The following GRIA1 variants were observed in gnomAD, a reference collection of about 807,000 sequenced individuals.
The protein encoded by GRIA1 is glutamate ionotropic receptor AMPA type subunit 1.
Under a neutral mutation model 99.2 loss-of-function variants are expected in GRIA1, and 31 were observed. The ratio of observed to expected loss-of-function variants is 0.31; its 90% CI spans 0.23 to 0.42. The LOEUF is 0.42. Ranked by LOEUF, GRIA1 falls within the 10% of genes least tolerant of loss-of-function variation. The pLI is 1.00. For missense variants in GRIA1, 782 were observed against 1,157.5 expected, an observed-to-expected ratio of 0.68 and a Z score of 4.71; for synonymous variants, 438 against 432.4, an observed-to-expected ratio of 1.01 and a Z score of -0.16.
intron 2 of GRIA1, among the ~76,000 whole-genome samples, chr5:153,569,561 G>C (rs970871588): frequency 2.0e-5 from 3 of 151,880 alleles, no homozygotes; most frequent in African/African-American, 7.3e-5. Context: ...GCCTGAACCT[G>C]GGATAGCCCA....
At chr5:153,617,097 C>T (rs1013657120) in intron 2 of GRIA1, among the ~76,000 whole-genome samples, 5 of 152,132 alleles carry the variant, frequency 3.3e-5, no homozygotes, top group African/African-American at 4.8e-5. Flanking sequence ...AAGTACAGAA[C>T]TATGAAGAGA....
chr5:153,743,669 C>T (rs1315201680), intron 11 of GRIA1, among the ~76,000 whole-genome samples: 2 of 150,934 alleles, frequency 1.3e-5, no homozygotes, highest in Non-Finnish European at 2.9e-5. Flanking sequence ...GGAGAAAATT[C>T]TTCTTTTAAA....
intron 2 of GRIA1, among the ~76,000 whole-genome samples, chr5:153,553,576 G>C (rs1760348384): frequency 6.6e-6 from 1 of 152,094 alleles, no homozygotes; most frequent in Non-Finnish European, 1.5e-5. Context: ...ATGCACAGTG[G>C]CCTGTTAGTG....
At chr5:153,531,912 C>T (rs1044346169) in intron 2 of GRIA1, among the ~76,000 whole-genome samples, 19 of 152,118 alleles carry the variant, frequency 1.2e-4, no homozygotes, top group African/African-American at 3.9e-4. Context: ...GGACTGTGCA[C>T]CTGGGGTCAG....
intron 11 of GRIA1, among the ~76,000 whole-genome samples, chr5:153,713,439 AC>A (rs1759464264): frequency 6.6e-6 from 1 of 152,090 alleles, no homozygotes; most frequent in Admixed American, 6.5e-5. Context: ...AGGGTGTGGA[AC>A]TCCAGATCAG....
Position 153,665,742 on chromosome 5 carries a change from A to G in GRIA1, c.700-8758A>G, listed in dbSNP as rs79399050. 2.2e-3 allele frequency among the ~76,000 whole-genome samples: 330 copies of G among 152,282 alleles called. 9 individuals carry two copies. In the East Asian group the frequency reaches 0.053, roughly 24 times the overall value. On this transcript the variant is annotated intron_variant, in intron 5 of 15. Transcript: ENST00000285900. ...TCCAAACTTTTTAGTTTGAGGCTCTATTTTCAAATGGAATCTTGGGGGAGA... is the reference window on the plus strand; with the variant it reads ...TCCAAACTTTTTAGTTTGAGGCTCTGTTTTCAAATGGAATCTTGGGGGAGA...
At chr5:153,525,787 G>A (rs1216899298) in intron 2 of GRIA1, among the ~76,000 whole-genome samples, 1 of 152,148 alleles carries the variant, frequency 6.6e-6, no homozygotes, top group East Asian at 1.9e-4. Context: ...ATAAGAACCT[G>A]GCTTGGACTT....
chr5:153,494,733 T>G (rs896736387), intron 2 of GRIA1, among the ~76,000 whole-genome samples: 2 of 152,206 alleles, frequency 1.3e-5, no homozygotes, highest in African/African-American at 4.8e-5. Flanking sequence ...CAAACACCAT[T>G]CTGAGTTTTC....
At chr5:153,513,512 C>T (rs1330930126) in intron 2 of GRIA1, among the ~76,000 whole-genome samples, 1 of 152,122 alleles carries the variant, frequency 6.6e-6, no homozygotes, top group Non-Finnish European at 1.5e-5. Context: ...CTATCTTGGT[C>T]TCTTAATTTG....
At chr5:153,495,061 GC>G (rs1260005939) in intron 2 of GRIA1, among the ~76,000 whole-genome samples, 1 of 152,110 alleles carries the variant, frequency 6.6e-6, no homozygotes, top group African/African-American at 2.4e-5. Flanking sequence ...ATTTGAATAG[GC>G]TATGCTTTGA....
At chr5:153,731,032 G>T (rs1760974724) in intron 11 of GRIA1, among the ~76,000 whole-genome samples, 1 of 152,002 alleles carries the variant, frequency 6.6e-6, no homozygotes. Flanking sequence ...CCTGCTTCTA[G>T]GCCCTCTTCC....
chr5:153,682,924 C>G (rs1019571323), intron 7 of GRIA1, among the ~76,000 whole-genome samples: 3 of 152,232 alleles, frequency 2.0e-5, no homozygotes, highest in African/African-American at 7.2e-5. Flanking sequence ...GCTTCAGCCT[C>G]CCATCAGCAG....
chr5:153,770,027 G>GCAAT, intron 12 of GRIA1, 141 bp from the exon 13 acceptor site: 1 of 781,976 alleles, frequency 1.3e-6, no homozygotes, highest in South Asian at 1.7e-5. Context: ...CTCTTATTTT[G>GCAAT]CAATCACTCA....
At chr5:153,574,696 A>G (rs1312380263) in intron 2 of GRIA1, among the ~76,000 whole-genome samples, 2 of 152,166 alleles carry the variant, frequency 1.3e-5, no homozygotes, top group African/African-American at 4.8e-5. Flanking sequence ...CAGCTGTAGT[A>G]AATAAAATTT....
intron 8 of GRIA1, among the ~76,000 whole-genome samples, chr5:153,687,527 G>A (rs1757424579): frequency 6.6e-6 from 1 of 152,168 alleles, no homozygotes; most frequent in East Asian, 1.9e-4. Flanking sequence ...TGTGCTGTCA[G>A]ATAACCTTGC....
At chr5:153,518,320 A>C in intron 2 of GRIA1, among the ~76,000 whole-genome samples, 1 of 152,110 alleles carries the variant, frequency 6.6e-6, no homozygotes, top group East Asian at 1.9e-4. Flanking sequence ...GCTCAGTGTA[A>C]GCGCCACAAG....
At position 153,705,921 on chromosome 5, in the gene GRIA1, C is replaced by T; in HGVS notation, c.1677C>T (p.Arg559=). ...GVSVVLFLVS[R]FSPYEWHSEE... ...GTGTTGTCCTCTTCCTGGTCAGCCGCTTCAGTCCCTATGAATGGCACAGTG... is the reference window on the plus strand; with the variant it reads ...GTGTTGTCCTCTTCCTGGTCAGCCGTTTCAGTCCCTATGAATGGCACAGTG... Residue 559 remains arginine, a synonymous_variant, in exon 11 of 16, where the codon CGC becomes CGT. Coordinates refer to ENST00000285900, the MANE Select transcript of GRIA1 (RefSeq NM_000827.4). 6 of 1,613,966 alleles carry T rather than the reference C, an allele frequency of 3.7e-6. No individual in the cohort carries two copies. Among genetic ancestry groups the T allele is most frequent in the Non-Finnish European group, 5.1e-6 (6 of 1,179,976 alleles).
At chr5:153,600,219 GTC>G (rs1561677360) in intron 2 of GRIA1, among the ~76,000 whole-genome samples, 1 of 151,724 alleles carries the variant, frequency 6.6e-6, no homozygotes, top group African/African-American at 2.4e-5. Context: ...GTGAAACACT[GTC>G]TCTACTAAAA....
chr5:153,639,469 C>T (rs970151692), intron 2 of GRIA1, among the ~76,000 whole-genome samples: 1 of 152,182 alleles, frequency 6.6e-6, no homozygotes, highest in African/African-American at 2.4e-5. Flanking sequence ...TTCCTTCTGC[C>T]TGAGACTGCT....
Sources: allele counts gnomAD v4.1 joint callset (sites outside exome capture counted in the v4.1 genomes callset), GRCh38; gene constraint gnomAD v4.1.1; transcripts MANE v1.5; gene names NCBI Gene and HGNC (gene_info 2026-07-23, HGNC 2026-07-21).